The following AGAP1 variants were observed in gnomAD, a reference collection of about 807,000 sequenced individuals.
The protein encoded by AGAP1 is ArfGAP with GTPase domain, ankyrin repeat and PH domain 1, also known as arf-GAP with GTPase, ANK repeat and PH domain-containing protein 1.
A neutral mutation model predicts 105.3 loss-of-function variants in AGAP1; 29 were observed. The observed-to-expected ratio is 0.28, with a 90% confidence interval of 0.21 to 0.38. The LOEUF is 0.38. Ranked by LOEUF, AGAP1 falls within the 10% of genes least tolerant of loss-of-function variation. AGAP1 has a pLI of 1.00. For synonymous variants in AGAP1, 509 were observed against 485.9 expected (o/e 1.05, Z -0.63); for missense variants, 998 against 1,165.1 (o/e 0.86, Z 2.09).
At chr2:235,772,807 C>G (rs1955562613) in intron 6 of AGAP1, among the ~76,000 whole-genome samples, 1 of 152,326 alleles carries the variant, frequency 6.6e-6, no homozygotes, top group Admixed American at 6.5e-5. Context: ...CCCTCGGAGC[C>G]TGGGATGCAA....
intron 1 of AGAP1, among the ~76,000 whole-genome samples, chr2:235,564,836 A>G (rs1314456438): frequency 7.0e-6 from 1 of 142,678 alleles, no homozygotes; most frequent in Admixed American, 6.9e-5. Context: ...CTGGACCAGC[A>G]CCCACGGCCA....
chr2:235,771,717 CTCCT>C (rs1376653597), intron 6 of AGAP1, among the ~76,000 whole-genome samples: 13 of 152,258 alleles, frequency 8.5e-5, no homozygotes, highest in Non-Finnish European at 4.4e-5. Flanking sequence ...CAGGGGCTCC[CTCCT>C]TCCTTCTTCC....
At chr2:235,576,331 C>T (rs148603512) in intron 1 of AGAP1, among the ~76,000 whole-genome samples, 1 of 152,198 alleles carries the variant, frequency 6.6e-6, no homozygotes, top group Middle Eastern at 3.2e-3. Context: ...AGTTGTTAAC[C>T]TGGTTCACTA....
rs1901763 is a variant in AGAP1 at position 236,113,519 on chromosome 2, G to C, written c.2115-6673G>C. ...TAAAGTCAGTTACTGTCATCCTTAA[G>C]CCCACACTAAGTGCTCCGGTTACAT... On this transcript the variant is annotated intron_variant, in intron 16 of 17. Transcript: ENST00000304032. This position sits in a 1 kb window ranked among gnomAD's most constrained non-coding sequence, Gnocchi z 4.3. Among the ~76,000 whole-genome samples the C allele has an allele frequency of 0.088, 13,381 of 152,264 alleles. 673 individuals are homozygous for C. Among genetic ancestry groups the C allele is most frequent in the Middle Eastern group, 0.17 (50 of 294 alleles).
At chr2:235,709,658 T>C (rs1329975564) in intron 2 of AGAP1, among the ~76,000 whole-genome samples, 2 of 152,140 alleles carry the variant, frequency 1.3e-5, no homozygotes, top group Non-Finnish European at 2.9e-5. Context: ...CTGTCATGAG[T>C]CACCAAGCTT....
chr2:235,710,522 G>T (rs2138498), intron 2 of AGAP1, among the ~76,000 whole-genome samples: 3,233 of 152,242 alleles, frequency 0.021, 46 homozygotes, highest in Non-Finnish European at 0.033. Context: ...CTCCCTGAAG[G>T]TCTCTGGGCT....
At chr2:235,913,969 AT>A (rs1252057455) in intron 11 of AGAP1, among the ~76,000 whole-genome samples, 5,445 of 143,374 alleles carry the variant, frequency 0.038, 303 homozygotes, top group African/African-American at 0.12. Context: ...AAAGTTCAGC[AT>A]TTTTTTTTTT....
At chr2:235,540,558 T>C (rs1457407058) in intron 1 of AGAP1, among the ~76,000 whole-genome samples, 1 of 152,240 alleles carries the variant, frequency 6.6e-6, no homozygotes, top group African/African-American at 2.4e-5. Flanking sequence ...ATGATGATTT[T>C]AAAGATGCTA....
In AGAP1 at chr2:235,514,162, G is replaced by GCACACA. The variant is rs35684926; in HGVS notation, c.163+19330_163+19335dup. On this transcript the variant is annotated intron_variant, in intron 1 of 17. Transcript: ENST00000304032. ...TGCCAGTGCATGCGCGTGCGCGCGC[G>GCACACA]CACACACACACACACACACACATAC... Among the ~76,000 whole-genome samples the GCACACA allele has an allele frequency of 2.4e-4, 36 of 150,620 alleles. No individual in the cohort carries two copies. In the Middle Eastern group the frequency reaches 0.01, roughly 43 times the overall value.
chr2:235,868,786 C>T (rs2049303726), intron 9 of AGAP1, among the ~76,000 whole-genome samples: 1 of 152,210 alleles, frequency 6.6e-6, no homozygotes, highest in African/African-American at 2.4e-5. Context: ...ATGACATTAA[C>T]TTTGTAAGTT....
chr2:235,918,168 G>A (rs944504947), intron 11 of AGAP1, among the ~76,000 whole-genome samples: 2 of 152,276 alleles, frequency 1.3e-5, no homozygotes, highest in African/African-American at 4.8e-5. Flanking sequence ...AAGGTCACTC[G>A]GGAGTTTTCC....
intron 11 of AGAP1, among the ~76,000 whole-genome samples, chr2:235,929,495 G>A (rs755629554): frequency 6.6e-6 from 1 of 152,054 alleles, no homozygotes; most frequent in Non-Finnish European, 1.5e-5. Flanking sequence ...GCATAAAATA[G>A]GTATCTTTTC....
chr2:236,092,157 G>C lies in AGAP1; in HGVS notation c.2115-28035G>C, dbSNP rs1480129404. On this transcript the variant is annotated intron_variant, in intron 16 of 17. Transcript: ENST00000304032. This position sits in a 1 kb window ranked among gnomAD's most constrained non-coding sequence, Gnocchi z 4.7. Reference sequence around the variant, plus strand: ...GAGGTTTTAGAAAGGCAACAAGAGAGACCCTTGACTGGTGCTAGATACAGG... The same window carrying C: ...GAGGTTTTAGAAAGGCAACAAGAGACACCCTTGACTGGTGCTAGATACAGG... Among the ~76,000 whole-genome samples, 2 of 152,310 alleles carry C rather than the reference G, an allele frequency of 1.3e-5. No individual in the cohort carries two copies. The highest frequency in any genetic ancestry group is 2.1e-4 in the South Asian group (1 of 4,826).
chr2:235,662,477 A>T lies in AGAP1; in HGVS notation c.164-46702A>T, dbSNP rs2149341646. On this transcript the variant is annotated intron_variant, in intron 1 of 17. Coordinates refer to ENST00000304032, the MANE Select transcript of AGAP1 (RefSeq NM_001037131.3). The surrounding 1 kb of genome is among the most constrained non-coding windows in gnomAD (Gnocchi z 4.2). ...TGTGGCCATCCCAATTTAGTTTATC[A>T]TTCCCCTACTTGGTCTGTCTGCCTT... Among the ~76,000 whole-genome samples, 1 of 149,606 alleles carries T rather than the reference A, an allele frequency of 6.7e-6. No individual in the cohort carries two copies. Among genetic ancestry groups the T allele is most frequent in the Non-Finnish European group, 1.5e-5 (1 of 67,596 alleles).
At chr2:235,899,038 A>T (rs1235265428) in intron 10 of AGAP1, among the ~76,000 whole-genome samples, 1 of 152,232 alleles carries the variant, frequency 6.6e-6, no homozygotes, top group African/African-American at 2.4e-5. Flanking sequence ...AAAAATACGT[A>T]TAGAAGACTT....
chr2:235,685,288 T>C (rs1205683297), intron 1 of AGAP1, among the ~76,000 whole-genome samples: 1 of 151,952 alleles, frequency 6.6e-6, no homozygotes, highest in Non-Finnish European at 1.5e-5. Context: ...CCTGGGTTCA[T>C]GCAGCAGACT....
At chr2:235,851,486 C>T (rs1013178591) in intron 9 of AGAP1, among the ~76,000 whole-genome samples, 1 of 152,204 alleles carries the variant, frequency 6.6e-6, no homozygotes, top group East Asian at 1.9e-4. Context: ...AAATGGCCCT[C>T]GTTTCAGAGA....
At chr2:235,605,462 C>G (rs1945898097) in intron 1 of AGAP1, among the ~76,000 whole-genome samples, 1 of 152,228 alleles carries the variant, frequency 6.6e-6, no homozygotes, top group Admixed American at 6.5e-5. Flanking sequence ...CGACGCCGGC[C>G]CTTCCGGCTT....
At position 236,092,001 on chromosome 2, in the gene AGAP1, G is replaced by A. The variant is rs1576284685; in HGVS notation, c.2115-28191G>A. Among the ~76,000 whole-genome samples the A allele has an allele frequency of 6.6e-6, 1 of 152,126 alleles. No individual in the cohort carries two copies. The highest frequency in any genetic ancestry group is 2.4e-5 in the African/African-American group (1 of 41,430). On this transcript the variant is annotated intron_variant, in intron 16 of 17. Transcript: ENST00000304032. The surrounding 1 kb of genome is among the most constrained non-coding windows in gnomAD (Gnocchi z 4.7). ...GCGAATCTACAGGGAATTACATTGA[G>A]TGAAAAAAAGCCTGTCCCAAAAGAT... is the stretch of plus-strand genomic sequence containing the variant.
Sources: allele counts gnomAD v4.1 joint callset (sites outside exome capture counted in the v4.1 genomes callset), GRCh38; gene constraint gnomAD v4.1.1; non-coding constraint Gnocchi (gnomAD v3.1); transcripts MANE v1.5; gene names NCBI Gene and HGNC (gene_info 2026-07-23, HGNC 2026-07-21).